Variants in DYNC1I1 observed in about 807,000 individuals in gnomAD.
DYNC1I1 encodes the protein dynein cytoplasmic 1 intermediate chain 1, also known as cytoplasmic dynein 1 intermediate chain 1.
A neutral mutation model predicts 86.6 loss-of-function variants in DYNC1I1; 43 were observed. That is an observed-to-expected ratio of 0.50 (90% confidence interval 0.39 to 0.64). DYNC1I1 has a LOEUF of 0.64. DYNC1I1 is among the 30% of genes least tolerant of loss of function. DYNC1I1 has a pLI of 0.00. For missense variants in DYNC1I1, 604 were observed against 788.8 expected (o/e 0.77, Z 2.81); for synonymous variants, 262 against 283.7 (o/e 0.92, Z 0.77).
chr7:96,075,478 C>A (rs760816083), intron 14 of DYNC1I1, among the ~76,000 whole-genome samples: 3 of 152,122 alleles, frequency 2.0e-5, no homozygotes, highest in Non-Finnish European at 2.9e-5. Context: ...TGATTACCTC[C>A]TGGAAGAGCA....
At chr7:95,884,764 T>C (rs184821976) in intron 6 of DYNC1I1, among the ~76,000 whole-genome samples, 1 of 150,604 alleles carries the variant, frequency 6.6e-6, no homozygotes. Context: ...CGAGACCCCG[T>C]TCTCCACGAA....
At chr7:95,987,966 A>T (rs1396800159) in intron 9 of DYNC1I1, among the ~76,000 whole-genome samples, 1 of 152,190 alleles carries the variant, frequency 6.6e-6, no homozygotes, top group African/African-American at 2.4e-5. Context: ...GTCTTCACTC[A>T]TGTATTCATC....
In DYNC1I1 at chr7:96,045,725, T is replaced by C. The variant is rs150198775; in HGVS notation, c.1509+6304T>C. ...GGCAGGCAGGAGAAGTAGCTTCCCA[T>C]GAGAAGGCTGAGGTTGGAGGCAAAG... On this transcript the variant is annotated intron_variant, in intron 14 of 16. Coordinates refer to ENST00000447467, the MANE Select transcript of DYNC1I1 (RefSeq NM_001135556.2). 2.5e-3 allele frequency among the ~76,000 whole-genome samples: 376 copies of C among 152,110 alleles called. 2 individuals carry two copies. Among genetic ancestry groups the C allele is most frequent in the African/African-American group, 8.3e-3 (344 of 41,502 alleles).
intron 14 of DYNC1I1, among the ~76,000 whole-genome samples, chr7:96,052,743 T>TG (rs1789441033): frequency 1.3e-5 from 2 of 152,080 alleles, no homozygotes; most frequent in African/African-American, 4.8e-5. Flanking sequence ...AAAGGACAGC[T>TG]CTCGGGACAA....
intron 10 of DYNC1I1, among the ~76,000 whole-genome samples, chr7:96,025,954 G>A (rs1248499188): frequency 6.6e-6 from 1 of 151,918 alleles, no homozygotes; most frequent in African/African-American, 2.4e-5. Context: ...TTGAGCTTTG[G>A]TAAATTCAAT....
At chr7:96,036,732 A>G (rs1311949944) in intron 13 of DYNC1I1, among the ~76,000 whole-genome samples, 1 of 152,192 alleles carries the variant, frequency 6.6e-6, no homozygotes, top group Non-Finnish European at 1.5e-5. Context: ...ATGGGTCAGA[A>G]CAGAGTGAGT....
At chr7:96,080,617 C>T (rs146263336) in intron 16 of DYNC1I1, 129 bp downstream of exon 16, 85 of 1,492,594 alleles carry the variant, frequency 5.7e-5, no homozygotes, top group Non-Finnish European at 6.9e-5. Flanking sequence ...TTTCCATTGA[C>T]TTCAATGCTA....
rs1792202200 is a variant in DYNC1I1, at chr7:95,941,123, A to C, written c.491-36389A>C. On this transcript the variant is annotated intron_variant, in intron 6 of 16. Coordinates refer to ENST00000447467, the MANE Select transcript of DYNC1I1 (RefSeq NM_001135556.2). ...GGCTGCAGAACAGTGGGTTTTCGTGAACCGCCTATGCTGCTGTCTGATTGT... is the reference window on the plus strand; with the variant it reads ...GGCTGCAGAACAGTGGGTTTTCGTGCACCGCCTATGCTGCTGTCTGATTGT... 2.0e-5 allele frequency among the ~76,000 whole-genome samples: 3 copies of C among 152,136 alleles called. No homozygotes were observed. The South Asian group carries it at 6.2e-4, about 32-fold the overall frequency.
At chr7:95,790,939 A>G (rs1794286006) in intron 1 of DYNC1I1, among the ~76,000 whole-genome samples, 1 of 152,166 alleles carries the variant, frequency 6.6e-6, no homozygotes, top group African/African-American at 2.4e-5. Context: ...GGTGGTCCTT[A>G]AAATTAGGTA....
intron 1 of DYNC1I1, among the ~76,000 whole-genome samples, chr7:95,785,450 T>G (rs1794105161): frequency 6.6e-6 from 1 of 151,880 alleles, no homozygotes; most frequent in Non-Finnish European, 1.5e-5. Flanking sequence ...CAAGAAATGT[T>G]GCTAACTTAA....
intron 12 of DYNC1I1, among the ~76,000 whole-genome samples, chr7:96,033,707 G>T (rs896510682): frequency 1.3e-5 from 2 of 152,092 alleles, no homozygotes; most frequent in Non-Finnish European, 2.9e-5. Flanking sequence ...AGAAGTTAAA[G>T]TTTCAAAATG....
chr7:95,886,251 C>A (rs1413784299), intron 6 of DYNC1I1, among the ~76,000 whole-genome samples: 1 of 152,114 alleles, frequency 6.6e-6, no homozygotes, highest in East Asian at 1.9e-4. Context: ...GGCTGGCCAA[C>A]ATGGTGAAAC....
chr7:95,844,247 T>G (rs991024673), intron 5 of DYNC1I1, among the ~76,000 whole-genome samples: 1 of 152,204 alleles, frequency 6.6e-6, no homozygotes, highest in African/African-American at 2.4e-5. Context: ...TATATTTCCT[T>G]TACGTATTAG....
intron 6 of DYNC1I1, among the ~76,000 whole-genome samples, chr7:95,904,814 T>C (rs993031827): frequency 7.9e-5 from 12 of 152,164 alleles, no homozygotes; most frequent in African/African-American, 2.9e-4. Context: ...TCTAAAAACT[T>C]TTAGCTCCTT....
At chr7:95,843,161 CA>C (rs1789335462) in intron 5 of DYNC1I1, among the ~76,000 whole-genome samples, 1 of 152,142 alleles carries the variant, frequency 6.6e-6, no homozygotes, top group African/African-American at 2.4e-5. Context: ...TGTAAATGCC[CA>C]GAACTGTTAT....
chr7:95,959,515 A>T (rs972786419), intron 6 of DYNC1I1, among the ~76,000 whole-genome samples: 1 of 152,238 alleles, frequency 6.6e-6, no homozygotes, highest in African/African-American at 2.4e-5. Flanking sequence ...GACATTTCTG[A>T]CAGATCCCAG....
chr7:96,029,749 A>G (rs527466327), intron 11 of DYNC1I1, among the ~76,000 whole-genome samples: 3 of 152,128 alleles, frequency 2.0e-5, no homozygotes, highest in Admixed American at 2.0e-4. Context: ...TGTCTCTACT[A>G]AAAATACAAA....
intron 4 of DYNC1I1, among the ~76,000 whole-genome samples, chr7:95,815,474 G>C (rs1219836432): frequency 6.6e-6 from 1 of 152,150 alleles, no homozygotes. Context: ...CATTAAGAAT[G>C]CCTTAGTAAA....
chr7:96,039,968 T>C (rs1788987530), intron 14 of DYNC1I1, among the ~76,000 whole-genome samples: 1 of 152,160 alleles, frequency 6.6e-6, no homozygotes. Flanking sequence ...GAGCTGTGGC[T>C]CACATCTGTA....
Sources: gnomAD v4.1 joint callset for allele counts (sites outside exome capture counted in the v4.1 genomes callset) on GRCh38, gnomAD v4.1.1 for gene constraint, MANE v1.5 for transcripts, NCBI Gene and HGNC (gene_info 2026-07-23, HGNC 2026-07-21) for gene names.